The following ALK variants were observed in gnomAD, a reference collection of about 807,000 sequenced individuals.
ALK encodes the protein ALK receptor tyrosine kinase.
ALK carries 74 observed loss-of-function variants against 163.1 expected under a neutral mutation model. The observed-to-expected ratio is 0.45, with a 90% CI of 0.38 to 0.55. The LOEUF (loss-of-function observed/expected upper bound fraction) is 0.55. ALK is among the 20% of genes least tolerant of loss of function. The pLI is 0.00. For synonymous variants in ALK, 960 were observed against 843.2 expected (o/e 1.14, Z -2.40); for missense variants, 2,063 against 2,105.3 (o/e 0.98, Z 0.39).
intron 1 of ALK, among the ~76,000 whole-genome samples, chr2:29,872,277 G>C (rs1045382755): frequency 6.6e-6 from 1 of 152,202 alleles, no homozygotes; most frequent in Non-Finnish European, 1.5e-5. Flanking sequence ...GAACTGCAGA[G>C]AGCATGATAT....
intron 4 of ALK, among the ~76,000 whole-genome samples, chr2:29,499,744 G>A (rs906654501): frequency 6.6e-6 from 1 of 151,928 alleles, no homozygotes; most frequent in Non-Finnish European, 1.5e-5. Context: ...CTTGCATGGA[G>A]TTCCCTCTGC....
chr2:29,905,604 AAGGAAGGG>A (rs1001395619), intron 1 of ALK, among the ~76,000 whole-genome samples: 22 of 151,040 alleles, frequency 1.5e-4, no homozygotes, highest in African/African-American at 5.3e-4. Context: ...GGAAGGAAAG[AAGGAAGGG>A]AGGAAGGAAG....
intron 1 of ALK, among the ~76,000 whole-genome samples, chr2:29,795,241 G>A (rs1664279100): frequency 6.6e-6 from 1 of 151,944 alleles, no homozygotes; most frequent in Admixed American, 6.6e-5. Context: ...AGCCTCGCTG[G>A]TAAGCAAAGA....
intron 1 of ALK, among the ~76,000 whole-genome samples, chr2:29,913,029 C>T (rs1572495901): frequency 6.6e-6 from 1 of 152,162 alleles, no homozygotes; most frequent in African/African-American, 2.4e-5. Context: ...TGTCCTCTAA[C>T]TTCATACCTT....
At chr2:29,425,934 TAAG>T (rs963477071) in intron 4 of ALK, among the ~76,000 whole-genome samples, 5 of 152,170 alleles carry the variant, frequency 3.3e-5, no homozygotes, top group African/African-American at 1.2e-4. Context: ...AATAGATAGC[TAAG>T]AAGAACCTGC....
At chr2:29,556,761 T>C (rs1030217539) in intron 3 of ALK, among the ~76,000 whole-genome samples, 11 of 152,226 alleles carry the variant, frequency 7.2e-5, no homozygotes, top group African/African-American at 2.4e-4. Flanking sequence ...CACAGGTATA[T>C]ACTGATGACA....
In ALK at chr2:29,490,448, A is replaced by G. The variant is rs142767265; in HGVS notation, c.1154+41467T>C. Among the ~76,000 whole-genome samples, 636 of 152,354 alleles carry G rather than the reference A, an allele frequency of 4.2e-3. 5 individuals carry two copies. Among genetic ancestry groups the G allele is most frequent in the African/African-American group, 0.013 (556 of 41,582 alleles). On this transcript the variant is annotated intron_variant, in intron 4 of 28. Coordinates refer to ENST00000389048, the MANE Select transcript of ALK (RefSeq NM_004304.5). ...CTGGTTCTCAAAGTGTGGTCCCTAG[A>G]TCAGCGGCATCAGCATCATCTGGGG...
intron 2 of ALK, among the ~76,000 whole-genome samples, chr2:29,706,875 T>C (rs979343727): frequency 6.6e-6 from 1 of 152,112 alleles, no homozygotes. Flanking sequence ...CAAGGTGGCA[T>C]GGCCTAGGGC....
intron 3 of ALK, among the ~76,000 whole-genome samples, chr2:29,534,124 G>C (rs531999607): frequency 6.6e-6 from 1 of 152,188 alleles, no homozygotes; most frequent in African/African-American, 2.4e-5. Context: ...CTTGGCTGAA[G>C]ATTTCCAGCT....
chr2:29,500,177 C>T (rs1350104685), intron 4 of ALK, among the ~76,000 whole-genome samples: 2 of 152,270 alleles, frequency 1.3e-5, no homozygotes, highest in East Asian at 1.9e-4. Flanking sequence ...TTGTAATACC[C>T]AGTGTTGGAG....
At chr2:29,545,515 T>C (rs1233783718) in intron 3 of ALK, among the ~76,000 whole-genome samples, 2 of 152,158 alleles carry the variant, frequency 1.3e-5, no homozygotes, top group East Asian at 1.9e-4. Context: ...CTAGAGGCTC[T>C]TGGAAATCAT....
At chr2:29,907,644 T>TA (rs1667586332) in intron 1 of ALK, among the ~76,000 whole-genome samples, 1 of 152,224 alleles carries the variant, frequency 6.6e-6, no homozygotes, top group African/African-American at 2.4e-5. Context: ...TTCCTAAATC[T>TA]AAGCTGTGAC....
intron 3 of ALK, among the ~76,000 whole-genome samples, chr2:29,680,846 TA>T (rs1315707181): frequency 5.9e-5 from 9 of 152,102 alleles, no homozygotes; most frequent in Non-Finnish European, 1.0e-4. Flanking sequence ...AAGACTGCCA[TA>T]GGTTCTTTTC....
chr2:29,615,532 T>C (rs942921624), intron 3 of ALK, among the ~76,000 whole-genome samples: 24 of 152,238 alleles, frequency 1.6e-4, no homozygotes, highest in Non-Finnish European at 2.9e-5. Flanking sequence ...GTCGAACTCA[T>C]AGTAAGTGCT....
At chr2:29,204,165 C>T (rs1472616550) in intron 26 of ALK, among the ~76,000 whole-genome samples, 1 of 152,142 alleles carries the variant, frequency 6.6e-6, no homozygotes, top group Non-Finnish European at 1.5e-5. Context: ...TTCTCCTATA[C>T]CTCACACTTG....
At chr2:29,417,481 T>A (rs1669909042) in intron 4 of ALK, among the ~76,000 whole-genome samples, 1 of 152,162 alleles carries the variant, frequency 6.6e-6, no homozygotes, top group African/African-American at 2.4e-5. Context: ...TAGAATTTCA[T>A]CCATCAGAGA....
chr2:29,763,949 C>A (rs961969463), intron 1 of ALK, among the ~76,000 whole-genome samples: 1 of 152,136 alleles, frequency 6.6e-6, no homozygotes, highest in Non-Finnish European at 1.5e-5. Flanking sequence ...AACTCCCTCT[C>A]GTAACACCCT....
rs1163712165 is a variant in ALK, at chr2:29,621,589, G to A, written c.952+73261C>T. On this transcript the variant is annotated intron_variant, in intron 3 of 28. Coordinates refer to ENST00000389048, the MANE Select transcript of ALK (RefSeq NM_004304.5). The stretch of plus-strand genomic sequence containing the variant: ...GGGACAAAAGGTGACATTCAGATCT[G>A]GGATTGCACAAAGACGTCTCATCAT... Among the ~76,000 whole-genome samples, 5 of 152,238 alleles carry A rather than the reference G, an allele frequency of 3.3e-5. No individual in the cohort carries two copies. In the East Asian group the frequency reaches 9.6e-4, roughly 29 times the overall value.
intron 3 of ALK, among the ~76,000 whole-genome samples, chr2:29,607,336 C>T (rs1341936817): frequency 6.6e-6 from 1 of 152,170 alleles, no homozygotes; most frequent in East Asian, 1.9e-4. Flanking sequence ...ACTGGATCAT[C>T]TCTCTAAGCA....
Sources: gnomAD v4.1 joint callset for allele counts (sites outside exome capture counted in the v4.1 genomes callset) on GRCh38, gnomAD v4.1.1 for gene constraint, MANE v1.5 for transcripts, NCBI Gene and HGNC (gene_info 2026-07-23, HGNC 2026-07-21) for gene names.